PKDCC: variants seen among roughly 807,000 people sequenced by gnomAD.
PKDCC encodes extracellular tyrosine-protein kinase PKDCC.
In PKDCC, 35 loss-of-function variants were observed where a neutral mutation model predicts 44.7. The ratio of observed to expected loss-of-function variants is 0.78; its 90% confidence interval spans 0.60 to 1.04. The LOEUF (loss-of-function observed/expected upper bound fraction) is 1.04, where lower values mean the gene tolerates loss of function less well. PKDCC is among the 50% of genes least tolerant of loss of function. PKDCC has a pLI of 0.00. For synonymous variants in PKDCC, 353 were observed against 303.3 expected, an observed-to-expected ratio of 1.16 and a Z score of -1.70; for missense variants, 738 against 672.7, an observed-to-expected ratio of 1.10 and a Z score of -1.07.
chr2:42,052,210 C>A lies in PKDCC; in HGVS notation c.640-1029C>A, dbSNP rs1667979995. Among the ~76,000 whole-genome samples, 1 of 152,118 alleles carries A rather than the reference C, an allele frequency of 6.6e-6. No homozygotes were observed. Among genetic ancestry groups the A allele is most frequent in the Non-Finnish European group, 1.5e-5 (1 of 68,022 alleles). ...AGGAGGAATCATCACTCACTACCAC[C>A]CCCACTGATACACATCACTCATATG... On this transcript the variant is annotated intron_variant, in intron 1 of 6. Transcript: ENST00000294964. This position sits in a 1 kb window ranked among gnomAD's most constrained non-coding sequence, Gnocchi z 4.3.
In PKDCC at chr2:42,054,043, T is replaced by C; in HGVS notation, c.770T>C (p.Leu257Pro). ...TSWEDRFRIC[L>P]SLGRLLHHLA... The stretch of plus-strand genomic sequence containing the variant: ...TTTTCTTGTGCCCCTCAGATCTGCC[T>C]GAGCCTGGGCCGCCTCCTCCACCAC... The change falls in exon 3 of 7, where the codon CTG becomes CCG. Residue 257 changes from leucine to proline, a missense_variant. Physicochemically the swap from Leu to Pro is moderately conservative, Grantham distance 98. Coordinates refer to ENST00000294964, the MANE Select transcript of PKDCC (RefSeq NM_138370.3). This position sits in a 1 kb window ranked among gnomAD's most constrained non-coding sequence, Gnocchi z 6.1. The C allele has an allele frequency of 6.2e-7, 1 of 1,611,384 alleles. No homozygotes were observed. Among genetic ancestry groups the C allele is most frequent in the Non-Finnish European group, 8.5e-7 (1 of 1,179,476 alleles).
rs944726991 is a variant in PKDCC, at chr2:42,057,916, A to T, written c.*228A>T. 7 of 558,772 alleles carry T rather than the reference A, an allele frequency of 1.3e-5. No homozygotes were observed. The highest frequency in any genetic ancestry group is 5.7e-5 in the African/African-American group (3 of 53,034). 34.6% of individuals were successfully genotyped at this position (558,772 alleles called of 1,614,324 possible). On this transcript the variant is annotated 3_prime_UTR_variant, in exon 7 of 7. Transcript: ENST00000294964. ...ACTGCTGGCTCCTAGTCCAGGAATCATGGGGGTATGACTGCCTCTCCAACC... is the reference window on the plus strand; with the variant it reads ...ACTGCTGGCTCCTAGTCCAGGAATCTTGGGGGTATGACTGCCTCTCCAACC...
chr2:42,055,384 A>C lies in PKDCC; in HGVS notation c.1213A>C (p.Ser405Arg), dbSNP rs776650479. The change falls in exon 5 of 7, where the codon AGC becomes CGC. Residue 405 changes from serine to arginine, a missense_variant. By Grantham distance (110) the Ser-to-Arg change is moderately radical (BLOSUM62 -1). Transcript: ENST00000294964. The surrounding 1 kb of genome is among the most constrained non-coding windows in gnomAD (Gnocchi z 4.5). ...GQYLQNSTAS[S>R]STEYQCIPDS... ...GTATCTGCAGAACTCCACGGCAAGC[A>C]GCAGTACCGGTGAGTGGCCCCAAGC... The C allele has an allele frequency of 5.6e-6, 9 of 1,613,322 alleles. No homozygotes were observed. Among genetic ancestry groups the C allele is most frequent in the African/African-American group, 1.3e-5 (1 of 74,928 alleles).
In PKDCC at chr2:42,048,495, G is replaced by T. The variant is rs571993173; in HGVS notation, c.296G>T (p.Arg99Leu). 7 of 1,054,166 alleles carry T rather than the reference G, an allele frequency of 6.6e-6. No individual in the cohort carries two copies. The African/African-American group carries it at 1.0e-4, about 15-fold the overall frequency. The allele number at this position is 1,054,166 out of a possible 1,614,324, so 65.3% of individuals were successfully genotyped here. A position where few individuals can be genotyped will look rare whatever the true frequency, so the allele number is the denominator to read the frequency against. Residue 99 changes from arginine (R) to leucine (L), a missense_variant, in exon 1 of 7, where the codon CGC (arginine) becomes CTC (leucine). Coordinates refer to ENST00000294964, the MANE Select transcript of PKDCC (RefSeq NM_138370.3). The surrounding 1 kb of genome is among the most constrained non-coding windows in gnomAD (Gnocchi z 6.2). ...GCTCCGGGCGGGCCCGGCCTGCCGC[G>T]CCCCCGGCCCCCTTGGGCCCGGCCC... ...DLAPGGPGLP[R>L]PRPPWARPLS...
rs745400189 is a variant in PKDCC, at chr2:42,055,053, A to T, written c.1114+33A>T. ...CTCCAGGGCCCATCTGCTTCCAGGC[A>T]CCTACCCCACCCCCACCCGCCAGCA... is the stretch of plus-strand genomic sequence containing the variant. On this transcript the variant is annotated intron_variant, in intron 4 of 6. Coordinates refer to ENST00000294964, the MANE Select transcript of PKDCC (RefSeq NM_138370.3). The surrounding 1 kb of genome is among the most constrained non-coding windows in gnomAD (Gnocchi z 4.5). The T allele has an allele frequency of 1.9e-6, 3 of 1,589,014 alleles. No individual in the cohort carries two copies. Among genetic ancestry groups the T allele is most frequent in the Non-Finnish European group, 2.6e-6 (3 of 1,157,988 alleles).
Position 42,057,132 on chromosome 2 carries a change from C to T in PKDCC, c.1223-89C>T. 3 of 1,455,376 alleles carry T rather than the reference C, an allele frequency of 2.1e-6. No individual in the cohort carries two copies. In the South Asian group the frequency reaches 3.8e-5, roughly 18 times the overall value. The allele number at this position is 1,455,376 out of a possible 1,614,324, so 90.2% of individuals were successfully genotyped here. A position where few individuals can be genotyped will look rare whatever the true frequency, so the allele number is the denominator to read the frequency against. On this transcript the variant is annotated intron_variant, in intron 5 of 6. Transcript: ENST00000294964. ...TTCAGCTTTCACCTAGGAAATGAGT[C>T]TTGCTGCCCTTTCCAGAAAGTGACA...
intron 1 of PKDCC, 136 bp from the exon 2 acceptor site, chr2:42,053,103 C>A (rs1246522029): frequency 3.1e-6 from 3 of 969,598 alleles, no homozygotes; most frequent in African/African-American, 3.3e-5. Flanking sequence ...GGCAACGCTG[C>A]CATTCTCTTC....
Position 42,054,805 on chromosome 2 carries a change from A to T in PKDCC, c.1035-136A>T. 1.2e-6 allele frequency: 1 copy of T among 815,108 alleles called. No homozygotes were observed. The highest frequency in any genetic ancestry group is 2.1e-6 in the Non-Finnish European group (1 of 467,842). 50.5% of individuals were successfully genotyped at this position (815,108 alleles called of 1,614,324 possible). The stretch of plus-strand genomic sequence containing the variant: ...CCTCCCCCGAGGCTGAGTAGACTTC[A>T]CTGCGTTCTGCCTGGTTGCTAGGCC... On this transcript the variant is annotated intron_variant, in intron 3 of 6. Coordinates refer to ENST00000294964, the MANE Select transcript of PKDCC (RefSeq NM_138370.3). This position sits in a 1 kb window ranked among gnomAD's most constrained non-coding sequence, Gnocchi z 6.1.
At position 42,052,982 on chromosome 2, in the gene PKDCC, G is replaced by A. The variant is rs1234450681; in HGVS notation, c.640-257G>A. Among the ~76,000 whole-genome samples, 2 of 152,196 alleles carry A rather than the reference G, an allele frequency of 1.3e-5. No individual in the cohort carries two copies. Among genetic ancestry groups the A allele is most frequent in the Non-Finnish European group, 1.5e-5 (1 of 68,038 alleles). On this transcript the variant is annotated intron_variant, in intron 1 of 6. Transcript: ENST00000294964. The surrounding 1 kb of genome is among the most constrained non-coding windows in gnomAD (Gnocchi z 4.3). The stretch of plus-strand genomic sequence containing the variant: ...AGCAATTTAGCATGGTACCTGGCAC[G>A]TGGTTAACTCACAGTGGCCAGACCT...
chr2:42,048,576 C>T lies in PKDCC; in HGVS notation c.377C>T (p.Pro126Leu), dbSNP rs1284502828. 1 of 1,383,216 alleles carries T rather than the reference C, an allele frequency of 7.2e-7. No individual in the cohort carries two copies. Among genetic ancestry groups the T allele is most frequent in the African/African-American group, 1.5e-5 (1 of 66,922 alleles). 85.7% of individuals were successfully genotyped at this position (1,383,216 alleles called of 1,614,324 possible). Residue 126 changes from proline to leucine, a missense_variant, in exon 1 of 7, where the codon CCG becomes CTG. Physicochemically the swap from Pro to Leu is moderately conservative, Grantham distance 98 (BLOSUM62 -3). Transcript: ENST00000294964. The surrounding 1 kb of genome is among the most constrained non-coding windows in gnomAD (Gnocchi z 6.2). ...PPAPGPGSPG[P>L]GPRLGCAALR... Reference sequence around the variant, plus strand: ...GCTCCCGGCCCAGGCTCCCCCGGCCCGGGCCCGCGCCTGGGCTGCGCCGCG... The same window carrying T: ...GCTCCCGGCCCAGGCTCCCCCGGCCTGGGCCCGCGCCTGGGCTGCGCCGCG...
In PKDCC at chr2:42,048,724, G is replaced by T; in HGVS notation, c.525G>T (p.Leu175=). 1 of 1,564,326 alleles carries T rather than the reference G, an allele frequency of 6.4e-7. No homozygotes were observed. ...CGGTGGACTTTAGCGGCCACGATCT[G>T]GGCAGCTGCGTGCGCGAGTTCGGGG... is the stretch of plus-strand genomic sequence containing the variant. ...LKAVDFSGHD[L]GSCVREFGVR... The change falls in exon 1 of 7, where the codon CTG becomes CTT. Residue 175 remains leucine (L), a synonymous_variant. Coordinates refer to ENST00000294964, the MANE Select transcript of PKDCC (RefSeq NM_138370.3). The surrounding 1 kb of genome is among the most constrained non-coding windows in gnomAD (Gnocchi z 6.2).
Position 42,048,778 on chromosome 2 carries a change from C to G in PKDCC, c.579C>G (p.Ala193=), listed in dbSNP as rs1049534893. 15 of 1,533,906 alleles carry G rather than the reference C, an allele frequency of 9.8e-6. No homozygotes were observed. Among genetic ancestry groups the G allele is most frequent in the Non-Finnish European group, 1.3e-5 (15 of 1,138,538 alleles). ...GVRRGCYRLA[A]HKLLKEMVLL... ...GGAGGGGCTGCTATCGGCTGGCGGC[C>G]CACAAGCTGCTTAAGGAGATGGTGC... is the stretch of plus-strand genomic sequence containing the variant. The change falls in exon 1 of 7, where the codon GCC becomes GCG. Residue 193 remains alanine, a synonymous_variant. Transcript: ENST00000294964. The surrounding 1 kb of genome is among the most constrained non-coding windows in gnomAD (Gnocchi z 6.2).
In PKDCC at chr2:42,055,285, G is replaced by T. The variant is rs374866491; in HGVS notation, c.1115-1G>T. The T allele has an allele frequency of 1.9e-6, 3 of 1,612,144 alleles. No homozygotes were observed. The African/African-American group carries it at 4.0e-5, about 22-fold the overall frequency. On this transcript the variant is annotated splice_acceptor_variant, in intron 4 of 6. Coordinates refer to ENST00000294964, the MANE Select transcript of PKDCC (RefSeq NM_138370.3). LOFTEE classifies it high-confidence loss of function. This position sits in a 1 kb window ranked among gnomAD's most constrained non-coding sequence, Gnocchi z 4.5. ...TGTCTTAGCCACACTGCACTCTGCA[G>T]GAGAGCTCGCCTGGGGGGTGGACGA... is the stretch of plus-strand genomic sequence containing the variant.
chr2:42,057,188 G>A (rs1407352171), intron 5 of PKDCC, 33 bp from the exon 6 acceptor site: 2 of 1,609,616 alleles, frequency 1.2e-6, no homozygotes, highest in Admixed American at 3.3e-5. Context: ...TGGGCATACA[G>A]AATTCTCATT....
Position 42,048,482 on chromosome 2 carries a change from C to T in PKDCC, c.283C>T (p.Pro95Ser), listed in dbSNP as rs1452347989. 2 of 1,039,252 alleles carry T rather than the reference C, an allele frequency of 1.9e-6. No homozygotes were observed. The highest frequency in any genetic ancestry group is 2.3e-6 in the Non-Finnish European group (2 of 867,130). The allele number at this position is 1,039,252 out of a possible 1,614,324, so 64.4% of individuals were successfully genotyped here. Residue 95 changes from proline to serine, a missense_variant, in exon 1 of 7, where the codon CCC becomes TCC. Physicochemically the swap from Pro to Ser is moderately conservative, Grantham distance 74. Coordinates refer to ENST00000294964, the MANE Select transcript of PKDCC (RefSeq NM_138370.3). The surrounding 1 kb of genome is among the most constrained non-coding windows in gnomAD (Gnocchi z 6.2). ...RRLMDLAPGG[P>S]GLPRPRPPWA... ...CCTGATGGACCTGGCTCCGGGCGGG[C>T]CCGGCCTGCCGCGCCCCCGGCCCCC... is the stretch of plus-strand genomic sequence containing the variant.
rs1174650545 is a variant in PKDCC at position 42,057,439 on chromosome 2, C to T, written c.1396+45C>T. 3 of 1,610,314 alleles carry T rather than the reference C, an allele frequency of 1.9e-6. No homozygotes were observed. The African/African-American group carries it at 4.0e-5, about 22-fold the overall frequency. On this transcript the variant is annotated intron_variant, in intron 6 of 6. Transcript: ENST00000294964. ...CCTTCCAAGGGAGATGGCAGGACCT[C>T]TCTGGAGGTTGATAGATAGTGATCC... is the stretch of plus-strand genomic sequence containing the variant.
In PKDCC at chr2:42,053,242, T is replaced by C. The variant is rs960380621; in HGVS notation, c.643T>C (p.Tyr215His). 3 of 1,268,232 alleles carry C rather than the reference T, an allele frequency of 2.4e-6. No individual in the cohort carries two copies. In the Admixed American group the frequency reaches 5.7e-5, roughly 24 times the overall value. 78.6% of individuals were successfully genotyped at this position (1,268,232 alleles called of 1,614,324 possible). A position where few individuals can be genotyped will look rare whatever the true frequency, so the allele number is the denominator to read the frequency against. The stretch of plus-strand genomic sequence containing the variant: ...ACCTGCCCTCGGCTTTCCCCAGCTC[T>C]ATGGCTACTGCTACCAGGACAGCGA... Reference protein sequence around the residue: ...RLRHPNVLQLYGYCYQDSEDI... With the variant: ...RLRHPNVLQLHGYCYQDSEDI... The change falls in exon 2 of 7, where the codon TAT becomes CAT. Residue 215 changes from tyrosine to histidine, a missense_variant. Tyr to His is a moderately conservative substitution (Grantham distance 83, BLOSUM62 2). Transcript: ENST00000294964.
At chr2:42,053,993 C>T (rs758982013) in intron 2 of PKDCC, 43 bp from the exon 3 acceptor site, 9 of 1,585,882 alleles carry the variant, frequency 5.7e-6, no homozygotes, top group East Asian at 2.2e-5. Context: ...AGACCCCCAA[C>T]CCAGGAGAAA....
rs1668075387 is a variant in PKDCC, at chr2:42,057,404, T to C, written c.1396+10T>C. 1 of 1,613,910 alleles carries C rather than the reference T, an allele frequency of 6.2e-7. No individual in the cohort carries two copies. The highest frequency in any genetic ancestry group is 1.1e-5 in the South Asian group (1 of 91,078). On this transcript the variant is annotated intron_variant, in intron 6 of 6. Transcript: ENST00000294964. ...CAGACCACCTGGACAGGTGAGCCAG[T>C]GGGAGAAGCCCTTCCAAGGGAGATG... is the stretch of plus-strand genomic sequence containing the variant.
Sources: gnomAD v4.1 joint callset for allele counts (sites outside exome capture counted in the v4.1 genomes callset) on GRCh38, gnomAD v4.1.1 for gene constraint, Gnocchi (gnomAD v3.1) non-coding constraint, MANE v1.5 for transcripts, NCBI Gene and HGNC (gene_info 2026-07-23, HGNC 2026-07-21) for gene names.